The following ACADSB variants were observed in gnomAD, a reference collection of about 807,000 sequenced individuals.
The protein encoded by ACADSB is short/branched chain specific acyl-CoA dehydrogenase, mitochondrial.
In ACADSB, 40 loss-of-function variants were observed where a neutral mutation model predicts 54.1. The ratio of observed to expected loss-of-function variants is 0.74; its 90% CI spans 0.57 to 0.96. The LOEUF is 0.96. ACADSB is among the 40% of genes least tolerant of loss of function. ACADSB has a pLI of 0.00. For synonymous variants in ACADSB, 182 were observed against 182.8 expected (o/e 1.00, Z 0.03); for missense variants, 530 against 510.4 (o/e 1.04, Z -0.37).
intron 2 of ACADSB, among the ~76,000 whole-genome samples, chr10:123,036,053 T>C (rs1474019452): frequency 2.6e-5 from 4 of 152,222 alleles, no homozygotes; most frequent in African/African-American, 9.6e-5. Flanking sequence ...ATCTTGGCAC[T>C]GTCTTAGAAC....
intron 6 of ACADSB, among the ~76,000 whole-genome samples, chr10:123,043,929 C>T (rs1454832280): frequency 6.6e-6 from 1 of 152,084 alleles, no homozygotes; most frequent in African/African-American, 2.4e-5. Context: ...CTTGTGCATA[C>T]ACCTGTGTAC....
In ACADSB at chr10:123,054,474, A is replaced by G. The variant is rs148316275; in HGVS notation, c.*709A>G. The G allele has an allele frequency of 7.9e-5, 12 of 152,346 alleles. No homozygotes were observed. Among genetic ancestry groups the G allele is most frequent in the African/African-American group, 2.9e-4 (12 of 41,586 alleles). The allele number at this position is 152,346 out of a possible 1,614,324, so 9.4% of individuals were successfully genotyped here. ...GTGGCATCAGGGAAATATTTGTTAC[A>G]TAGTAGGCAATTTTTATCCAGTACT... On this transcript the variant is annotated 3_prime_UTR_variant, in exon 11 of 11. Transcript: ENST00000358776.
chr10:123,034,570 T>C lies in ACADSB; in HGVS notation c.202+55T>C, dbSNP rs558444756. ...CTCCCCAGACAGGATCTCTGGAGCA[T>C]AGTGGTGCAATCATGGCTCACTGCA... is the stretch of plus-strand genomic sequence containing the variant. On this transcript the variant is annotated intron_variant, in intron 2 of 10. Transcript: ENST00000358776. 60 of 1,569,930 alleles carry C rather than the reference T, an allele frequency of 3.8e-5. No individual in the cohort carries two copies. The South Asian group carries it at 6.3e-4, about 17-fold the overall frequency.
At chr10:123,032,494 A>T (rs528115714) in intron 1 of ACADSB, among the ~76,000 whole-genome samples, 1 of 151,726 alleles carries the variant, frequency 6.6e-6, no homozygotes, top group East Asian at 1.9e-4. Context: ...ATTCAAATAT[A>T]TATCAAGAAC....
At chr10:123,044,648 G>A (rs1382641656) in intron 7 of ACADSB, among the ~76,000 whole-genome samples, 163 bp downstream of exon 7, 1 of 152,060 alleles carries the variant, frequency 6.6e-6, no homozygotes, top group Non-Finnish European at 1.5e-5. Context: ...ATTCCCTTTT[G>A]GTCAATTATG....
chr10:123,036,889 T>C (rs1850405771), intron 2 of ACADSB, among the ~76,000 whole-genome samples: 1 of 152,162 alleles, frequency 6.6e-6, no homozygotes, highest in Non-Finnish European at 1.5e-5. Flanking sequence ...GAAGGAATAC[T>C]GAAGCAAGCC....
Position 123,040,164 on chromosome 10 carries a change from G to A in ACADSB, c.304-302G>A, listed in dbSNP as rs190368391. Among the ~76,000 whole-genome samples, 32 of 146,092 alleles carry A rather than the reference G, an allele frequency of 2.2e-4. No homozygotes were observed. The East Asian group carries it at 6.1e-3, about 28-fold the overall frequency. On this transcript the variant is annotated intron_variant, in intron 3 of 10. Coordinates refer to ENST00000358776, the MANE Select transcript of ACADSB (RefSeq NM_001609.4). ...GGTTCGAGACCAGACTGGCCAACAT[G>A]GCGAAACCCCATCTCTACTAAAAAA...
At chr10:123,043,946 G>C (rs922158731) in intron 6 of ACADSB, among the ~76,000 whole-genome samples, 3 of 151,972 alleles carry the variant, frequency 2.0e-5, no homozygotes, top group Admixed American at 6.6e-5. Flanking sequence ...GTACACACAT[G>C]CACACACACA....
chr10:123,027,888 T>G (rs1850276184), intron 1 of ACADSB, among the ~76,000 whole-genome samples: 2 of 152,208 alleles, frequency 1.3e-5, no homozygotes, highest in South Asian at 4.1e-4. Context: ...GTGATCTGAT[T>G]TGATCCTGCA....
chr10:123,025,803 G>A (rs915849409), intron 1 of ACADSB, among the ~76,000 whole-genome samples: 1 of 152,226 alleles, frequency 6.6e-6, no homozygotes, highest in Non-Finnish European at 1.5e-5. Context: ...GCTCACGCCT[G>A]TAATCCCAGC....
chr10:123,051,474 A>C (rs985747378), intron 9 of ACADSB, among the ~76,000 whole-genome samples: 2 of 152,078 alleles, frequency 1.3e-5, no homozygotes, highest in Non-Finnish European at 2.9e-5. Context: ...TGAGGTCTCC[A>C]TGTTTCGTGA....
At chr10:123,044,568 G>C (rs756922760) in intron 7 of ACADSB, 83 bp downstream of exon 7, 273 of 1,062,078 alleles carry the variant, frequency 2.6e-4, no homozygotes, top group Admixed American at 6.1e-4. Context: ...ATGAATATTT[G>C]GAAGCTTATG....
intron 1 of ACADSB, among the ~76,000 whole-genome samples, chr10:123,017,827 A>G (rs1850127497): frequency 6.6e-6 from 1 of 152,194 alleles, no homozygotes; most frequent in South Asian, 2.1e-4. Flanking sequence ...GGCTATAGGT[A>G]AATTTAAACA....
chr10:123,047,517 A>C (rs1303920573), intron 8 of ACADSB, among the ~76,000 whole-genome samples: 2 of 152,054 alleles, frequency 1.3e-5, no homozygotes, highest in Non-Finnish European at 2.9e-5. Flanking sequence ...GGCATGATTC[A>C]GGATATCTCG....
chr10:123,044,429 G>C lies in ACADSB; in HGVS notation c.844G>C (p.Gly282Arg). The change falls in exon 7 of 11, where the codon GGC (glycine) becomes CGC (arginine). Residue 282 changes from glycine (G) to arginine (R), a missense_variant. Gly to Arg is a moderately radical substitution (Grantham distance 125). Coordinates refer to ENST00000358776, the MANE Select transcript of ACADSB (RefSeq NM_001609.4). ...CAATATCTTGGGACAAATTGGACATGGCTATAAGTATGCCATAGGGAGTCT... is the reference window on the plus strand; with the variant it reads ...CAATATCTTGGGACAAATTGGACATCGCTATAAGTATGCCATAGGGAGTCT... Reference protein sequence around the residue: ...EANILGQIGHGYKYAIGSLNE... With the variant: ...EANILGQIGHRYKYAIGSLNE... 6.2e-7 allele frequency: 1 copy of C among 1,613,954 alleles called. No homozygotes were observed. The highest frequency in any genetic ancestry group is 8.5e-7 in the Non-Finnish European group (1 of 1,179,890).
Position 123,009,065 on chromosome 10 carries a change from C to A in ACADSB, c.36C>A (p.Ser12Arg). 1 of 1,547,368 alleles carries A rather than the reference C, an allele frequency of 6.5e-7. No individual in the cohort carries two copies. Residue 12 changes from serine (S) to arginine (R), a missense_variant, in exon 1 of 11, where the codon AGC (serine) becomes AGA (arginine). Ser to Arg is a moderately radical substitution (Grantham distance 110, BLOSUM62 -1). Transcript: ENST00000358776. ...TGGCAGTGCGGTTGCTGCGCGGCAG[C>A]AGGCTGGTGAGTGCGTTCGAGGCTG... ...EGLAVRLLRG[S>R]RLLRRNFLTC...
At chr10:123,016,608 A>G (rs1386615493) in intron 1 of ACADSB, among the ~76,000 whole-genome samples, 7 of 152,254 alleles carry the variant, frequency 4.6e-5, no homozygotes, top group African/African-American at 9.6e-5. Flanking sequence ...TTTAAGAGCT[A>G]TAAATGCTAG....
intron 9 of ACADSB, 31 bp from the exon 10 acceptor site, chr10:123,053,030 T>C: frequency 6.5e-7 from 1 of 1,541,984 alleles, no homozygotes; most frequent in Non-Finnish European, 9.0e-7. Flanking sequence ...TTATGTGGTT[T>C]CAGTGTGTGA....
chr10:123,040,682 G>A lies in ACADSB; in HGVS notation c.510+10G>A. ...GCTCACTACAGAAAAAGTGAGTTGAGATGAATTGTTGATCTAATGGATCTA... is the reference window on the plus strand; with the variant it reads ...GCTCACTACAGAAAAAGTGAGTTGAAATGAATTGTTGATCTAATGGATCTA... On this transcript the variant is annotated intron_variant, in intron 4 of 10. Transcript: ENST00000358776. The A allele has an allele frequency of 6.2e-7, 1 of 1,605,386 alleles. No homozygotes were observed. The highest frequency in any genetic ancestry group is 8.5e-7 in the Non-Finnish European group (1 of 1,172,144).
Sources: allele counts gnomAD v4.1 joint callset (sites outside exome capture counted in the v4.1 genomes callset), GRCh38; gene constraint gnomAD v4.1.1; transcripts MANE v1.5; gene names NCBI Gene and HGNC (gene_info 2026-07-23, HGNC 2026-07-21).